Variants in XRCC4 observed in about 807,000 individuals in gnomAD.
XRCC4 encodes DNA repair protein XRCC4.
In XRCC4, 28 loss-of-function variants were observed where a neutral mutation model predicts 39.1. The observed-to-expected ratio is 0.72, with a 90% CI of 0.53 to 0.98. The LOEUF is 0.98. Among genes scored for constraint, XRCC4 ranks in the 50% least tolerant of loss-of-function variants. The probability of loss-of-function intolerance (pLI) is 0.00; values close to 1 mark genes in which losing one functional copy is unlikely to be tolerated. For missense variants in XRCC4, 350 were observed against 376.4 expected, an observed-to-expected ratio of 0.93 and a Z score of 0.58; for synonymous variants, 123 against 126.4, an observed-to-expected ratio of 0.97 and a Z score of 0.18.
intron 3 of XRCC4, among the ~76,000 whole-genome samples, chr5:83,115,037 A>G (rs540998932): frequency 1.3e-5 from 2 of 152,254 alleles, no homozygotes; most frequent in East Asian, 3.9e-4. Context: ...TTTAGATCTC[A>G]TGAGACTTAT....
intron 7 of XRCC4, among the ~76,000 whole-genome samples, 165 bp from the exon 8 acceptor site, chr5:83,352,966 C>T (rs1232056922): frequency 1.3e-5 from 2 of 152,120 alleles, no homozygotes; most frequent in African/African-American, 2.4e-5. Context: ...AGAAATTAGT[C>T]TCTTTATCTC....
chr5:83,092,896 A>T (rs1479561503), intron 1 of XRCC4, among the ~76,000 whole-genome samples: 1 of 152,162 alleles, frequency 6.6e-6, no homozygotes, highest in East Asian at 1.9e-4. Flanking sequence ...AAAAAGACCC[A>T]ATGATAGAAA....
intron 7 of XRCC4, among the ~76,000 whole-genome samples, chr5:83,294,042 G>GT (rs548279201): frequency 1.6e-3 from 241 of 149,298 alleles, no homozygotes; most frequent in Middle Eastern, 7.0e-3. Context: ...TTTGACTTTT[G>GT]TTTTTTTTTC....
In XRCC4 at chr5:83,191,692, T is replaced by C. The variant is rs116662603; in HGVS notation, c.316-4078T>C. 4.0e-3 allele frequency among the ~76,000 whole-genome samples: 610 copies of C among 152,296 alleles called. 3 individuals are homozygous for C. The highest frequency in any genetic ancestry group is 0.014 in the African/African-American group (587 of 41,574). ...TCTAGCCTGGGTGACAGAGTGAGAC[T>C]GTCTAAAAAAACCCAAAAAACAAAA... On this transcript the variant is annotated intron_variant, in intron 3 of 7. Coordinates refer to ENST00000396027, the MANE Select transcript of XRCC4 (RefSeq NM_003401.5).
chr5:83,298,146 A>G (rs1755156592), intron 7 of XRCC4, among the ~76,000 whole-genome samples: 2 of 151,870 alleles, frequency 1.3e-5, no homozygotes, highest in South Asian at 4.1e-4. Context: ...CATAAATGAC[A>G]GTATAAATTA....
intron 3 of XRCC4, among the ~76,000 whole-genome samples, chr5:83,145,858 C>CT (rs35476083): frequency 1.6e-3 from 221 of 136,276 alleles, no homozygotes; most frequent in South Asian, 2.6e-3. Context: ...GCAGTCAGGT[C>CT]TTTTTTTTTT....
chr5:83,148,837 A>T (rs1230921563), intron 3 of XRCC4, among the ~76,000 whole-genome samples: 2 of 151,966 alleles, frequency 1.3e-5, no homozygotes, highest in African/African-American at 4.8e-5. Context: ...TAATACTGTT[A>T]TAATGAAGAT....
At chr5:83,306,179 C>T (rs895732308) in intron 7 of XRCC4, among the ~76,000 whole-genome samples, 3 of 152,066 alleles carry the variant, frequency 2.0e-5, no homozygotes, top group Non-Finnish European at 2.9e-5. Flanking sequence ...AGTTATGATA[C>T]CTATGTGGAC....
At chr5:83,081,896 G>T (rs908717070) in intron 1 of XRCC4, among the ~76,000 whole-genome samples, 2 of 152,088 alleles carry the variant, frequency 1.3e-5, no homozygotes, top group Non-Finnish European at 2.9e-5. Flanking sequence ...GTCCCAGACC[G>T]AACTCCTTTC....
intron 4 of XRCC4, among the ~76,000 whole-genome samples, chr5:83,197,711 G>T (rs1304183104): frequency 6.6e-6 from 1 of 152,052 alleles, no homozygotes; most frequent in Non-Finnish European, 1.5e-5. Flanking sequence ...TTGATCAAAA[G>T]CACAGCCATG....
intron 3 of XRCC4, among the ~76,000 whole-genome samples, chr5:83,154,407 A>G (rs1748857789): frequency 6.6e-6 from 1 of 152,180 alleles, no homozygotes; most frequent in Non-Finnish European, 1.5e-5. Flanking sequence ...AGCATTTCAG[A>G]TTTCATTTTT....
At chr5:83,257,394 C>T (rs1472081326) in intron 6 of XRCC4, among the ~76,000 whole-genome samples, 1 of 150,032 alleles carries the variant, frequency 6.7e-6, no homozygotes, top group African/African-American at 2.4e-5. Context: ...ACAGACACTT[C>T]TCAAAAGAAG....
At chr5:83,171,491 A>C (rs916295166) in intron 3 of XRCC4, among the ~76,000 whole-genome samples, 1 of 152,122 alleles carries the variant, frequency 6.6e-6, no homozygotes, top group African/African-American at 2.4e-5. Flanking sequence ...TTAAAAAAAA[A>C]ATCTAAGTTT....
chr5:83,121,901 A>G (rs200353414), intron 3 of XRCC4, among the ~76,000 whole-genome samples: 1 of 151,768 alleles, frequency 6.6e-6, no homozygotes, highest in Admixed American at 6.6e-5. Flanking sequence ...TTCATTTTTT[A>G]TATGAATATT....
At chr5:83,335,534 GTAC>G (rs1288568470) in intron 7 of XRCC4, among the ~76,000 whole-genome samples, 1 of 151,866 alleles carries the variant, frequency 6.6e-6, no homozygotes, top group Non-Finnish European at 1.5e-5. Flanking sequence ...CTATAAATCA[GTAC>G]TTTATACATT....
chr5:83,097,082 T>C (rs567939907), intron 1 of XRCC4, among the ~76,000 whole-genome samples: 2 of 152,322 alleles, frequency 1.3e-5, no homozygotes, highest in Admixed American at 1.3e-4. Context: ...GCTTATACTT[T>C]GGAACTTCCT....
At chr5:83,254,149 C>T (rs1489344206) in intron 6 of XRCC4, among the ~76,000 whole-genome samples, 2 of 140,916 alleles carry the variant, frequency 1.4e-5, no homozygotes, top group East Asian at 2.1e-4. Context: ...GACATGTTGT[C>T]GTGACAAAAA....
intron 6 of XRCC4, among the ~76,000 whole-genome samples, chr5:83,211,571 G>T (rs1751646767): frequency 6.6e-6 from 1 of 152,130 alleles, no homozygotes. Flanking sequence ...CTTCATAGGA[G>T]AATAGAAAAA....
intron 6 of XRCC4, among the ~76,000 whole-genome samples, chr5:83,247,027 G>A (rs1166394166): frequency 6.6e-6 from 1 of 152,070 alleles, no homozygotes; most frequent in Non-Finnish European, 1.5e-5. Flanking sequence ...TGTTTGCTAG[G>A]TAAATACAGA....
Sources: gnomAD v4.1 joint callset for allele counts (sites outside exome capture counted in the v4.1 genomes callset) on GRCh38, gnomAD v4.1.1 for gene constraint, MANE v1.5 for transcripts, NCBI Gene and HGNC (gene_info 2026-07-23, HGNC 2026-07-21) for gene names.